LILRB2: variants seen among roughly 807,000 people sequenced by gnomAD.
LILRB2 encodes leukocyte immunoglobulin-like receptor subfamily B member 2.
LILRB2 carries 47 observed loss-of-function variants against 72.7 expected under a neutral mutation model. The ratio of observed to expected loss-of-function variants is 0.65; its 90% CI spans 0.51 to 0.82. The LOEUF is 0.82. Ranked by LOEUF, LILRB2 falls within the 40% of genes least tolerant of loss-of-function variation. The probability of loss-of-function intolerance (pLI) is 0.00; values close to 1 mark genes in which losing one functional copy is unlikely to be tolerated. For synonymous variants in LILRB2, 279 were observed against 313.7 expected (o/e 0.89, Z 1.17); for missense variants, 767 against 764.8 (o/e 1.00, Z -0.03).
chr19:54,279,023 A>C lies in LILRB2; in HGVS notation c.744T>G (p.Asp248Glu), dbSNP rs368268154. The C allele has an allele frequency of 2.0e-5, 33 of 1,614,072 alleles. No homozygotes were observed. The highest frequency in any genetic ancestry group is 2.6e-5 in the Non-Finnish European group (31 of 1,180,008). The stretch of plus-strand genomic sequence containing the variant: ...ACAGAACAAATCTGTCATAGCCGAC[A>C]TCAGAGACACACTGGAGGGTCAGGC... ...GESLTLQCVS[D>E]VGYDRFVLYK... The change falls in exon 6 of 14, where the codon GAT (aspartate) becomes GAG (glutamate). Residue 248 changes from aspartate (D) to glutamate (E), a missense_variant. Physicochemically the swap from Asp to Glu is conservative, Grantham distance 45. This residue lies in a region of LILRB2 where 599 missense variants were observed against 568.2 expected (regional missense o/e 1.05). Transcript: ENST00000314446.
chr19:54,278,224 C>G (rs1422944526), intron 7 of LILRB2, 36 bp downstream of exon 7: 1 of 1,612,032 alleles, frequency 6.2e-7, no homozygotes, highest in South Asian at 1.1e-5. Flanking sequence ...TGAGCTGAGC[C>G]TTTGAGCTCA....
chr19:54,280,578 C>T, intron 1 of LILRB2, 34 bp from the exon 2 acceptor site: 6 of 1,564,126 alleles, frequency 3.8e-6, no homozygotes, highest in East Asian at 2.2e-5. Context: ...GAGAAATAGC[C>T]TCCCCTCCTT....
intron 13 of LILRB2, chr19:54,275,706 AGC>A (rs1197556586): frequency 7.8e-6 from 5 of 638,320 alleles, no homozygotes; most frequent in Admixed American, 2.1e-5. Context: ...AGGCCTGGGG[AGC>A]GCTCTAACAA....
At chr19:54,280,855 T>A in intron 1 of LILRB2, 106 bp downstream of exon 1, 1 of 446,282 alleles carries the variant, frequency 2.2e-6, no homozygotes, top group Non-Finnish European at 3.7e-6. Context: ...GTGTCTGCCC[T>A]TCCTGATGAG....
rs1476091026 is a variant in LILRB2, at chr19:54,274,554, A to C, written c.*129T>G. ...TCAAGTGAGTCCCAAAGTTCCCAGC[A>C]TCTCCTCATGGTCTTTGTTAGGGGT... On this transcript the variant is annotated 3_prime_UTR_variant, in exon 14 of 14. Coordinates refer to ENST00000314446, the MANE Select transcript of LILRB2 (RefSeq NM_001080978.4). 6.6e-7 allele frequency: 1 copy of C among 1,506,318 alleles called. No individual in the cohort carries two copies. The highest frequency in any genetic ancestry group is 8.9e-7 in the Non-Finnish European group (1 of 1,122,680). The allele number at this position is 1,506,318 out of a possible 1,614,324, so 93.3% of individuals were successfully genotyped here. A position where few individuals can be genotyped will look rare whatever the true frequency, so the allele number is the denominator to read the frequency against.
At chr19:54,277,812 A>T (rs1438032704) in intron 8 of LILRB2, 77 bp downstream of exon 8, 26 of 1,356,326 alleles carry the variant, frequency 1.9e-5, no homozygotes, top group Non-Finnish European at 2.6e-5. Flanking sequence ...CCTGAAGGGA[A>T]TGGGATCCTC....
intron 3 of LILRB2, 28 bp from the exon 4 acceptor site, chr19:54,280,103 A>G: frequency 6.2e-7 from 1 of 1,612,388 alleles, no homozygotes; most frequent in Non-Finnish European, 8.5e-7. Context: ...GTCAGATTCG[A>G]AGTCATTTCC....
chr19:54,277,793 G>T, intron 8 of LILRB2, 96 bp downstream of exon 8: 2 of 1,331,226 alleles, frequency 1.5e-6, no homozygotes, highest in African/African-American at 1.5e-5. Flanking sequence ...AGAAGCCCTT[G>T]ATTGAGTCCC....
At position 54,274,483 on chromosome 19, in the gene LILRB2, G is replaced by T; in HGVS notation, c.*200C>A. On this transcript the variant is annotated 3_prime_UTR_variant, in exon 14 of 14. Coordinates refer to ENST00000314446, the MANE Select transcript of LILRB2 (RefSeq NM_001080978.4). ...CTCATTGATTATTGAGAAGTCTGTT[G>T]CTTTAATTAAAAAATGTAGGGATAT... is the stretch of plus-strand genomic sequence containing the variant. 1 of 979,490 alleles carries T rather than the reference G, an allele frequency of 1.0e-6. No individual in the cohort carries two copies. The highest frequency in any genetic ancestry group is 1.5e-6 in the Non-Finnish European group (1 of 682,324). 60.7% of individuals were successfully genotyped at this position (979,490 alleles called of 1,614,324 possible).
Position 54,274,158 on chromosome 19 carries a change from A to G in LILRB2, c.*525T>C, listed in dbSNP as rs1176029986. The G allele has an allele frequency of 6.4e-6, 1 of 157,320 alleles. No individual in the cohort carries two copies. The highest frequency in any genetic ancestry group is 1.4e-5 in the Non-Finnish European group (1 of 71,092). The allele number at this position is 157,320 out of a possible 1,614,324, so 9.7% of individuals were successfully genotyped here. The stretch of plus-strand genomic sequence containing the variant: ...TAGTTAGGATTTATGACTGTAATTA[A>G]TATTTTCAAGAATGAGCTTCATTGG... On this transcript the variant is annotated 3_prime_UTR_variant, in exon 14 of 14. Transcript: ENST00000314446.
intron 9 of LILRB2, chr19:54,277,337 GCCT>G: frequency 1.7e-6 from 2 of 1,204,686 alleles, no homozygotes; most frequent in South Asian, 2.8e-5. Context: ...TCCCTGAGGG[GCCT>G]CCTCTCCCAG....
Position 54,274,430 on chromosome 19 carries a change from T to C in LILRB2, c.*253A>G, listed in dbSNP as rs2080119276. 5.0e-6 allele frequency: 3 copies of C among 600,726 alleles called. No individual in the cohort carries two copies. The highest frequency in any genetic ancestry group is 8.4e-6 in the Non-Finnish European group (3 of 356,928). 37.2% of individuals were successfully genotyped at this position (600,726 alleles called of 1,614,324 possible). A position where few individuals can be genotyped will look rare whatever the true frequency, so the allele number is the denominator to read the frequency against. On this transcript the variant is annotated 3_prime_UTR_variant, in exon 14 of 14. Transcript: ENST00000314446. Reference sequence around the variant, plus strand: ...TGTGATTCAGTTTAAAGCACATTCTTACTTCTGATTTTAGTTTTCTCGGTT... The same window carrying C: ...TGTGATTCAGTTTAAAGCACATTCTCACTTCTGATTTTAGTTTTCTCGGTT...
At position 54,276,855 on chromosome 19, in the gene LILRB2, G is replaced by A; in HGVS notation, c.1432C>T (p.Leu478Phe). 6.4e-7 allele frequency: 1 copy of A among 1,553,680 alleles called. No individual in the cohort carries two copies. The highest frequency in any genetic ancestry group is 1.4e-5 in the African/African-American group (1 of 73,348). ...VVLLLLLLLL[L>F]FLILRHRRQG... Reference sequence around the variant, plus strand: ...CGTCGATGTCGGAGGATGAGGAAGAGGAGGAGGAGGAGGAGGAGCAGTAGG... The same window carrying A: ...CGTCGATGTCGGAGGATGAGGAAGAAGAGGAGGAGGAGGAGGAGCAGTAGG... The change falls in exon 10 of 14, where the codon CTC (leucine) becomes TTC (phenylalanine). Residue 478 changes from leucine to phenylalanine, a missense_variant. Physicochemically the swap from Leu to Phe is conservative, Grantham distance 22. Transcript: ENST00000314446.
At chr19:54,280,908 G>A (rs1047544090) in intron 1 of LILRB2, 53 bp downstream of exon 1, 130 of 1,210,704 alleles carry the variant, frequency 1.1e-4, no homozygotes, top group Admixed American at 7.7e-4. Flanking sequence ...TTCCCACATG[G>A]TCACCCTCCC....
chr19:54,280,443 C>T lies in LILRB2; in HGVS notation c.34+20G>A, dbSNP rs1406571443. ...AGGTCCCTCCTAGGTTAGAAGCTCC[C>T]CTCTCTCTTCAAATCTCACCGAGAC... On this transcript the variant is annotated intron_variant, in intron 2 of 13. Transcript: ENST00000314446. 4 of 1,613,726 alleles carry T rather than the reference C, an allele frequency of 2.5e-6. No homozygotes were observed. The highest frequency in any genetic ancestry group is 2.2e-5 in the South Asian group (2 of 90,984).
At position 54,278,528 on chromosome 19, in the gene LILRB2, C is replaced by A. The variant is rs779681552; in HGVS notation, c.990G>T (p.Gln330His). The change falls in exon 7 of 14, where the codon CAG becomes CAT. Residue 330 changes from glutamine (Q) to histidine (H), a missense_variant. Transcript: ENST00000314446. ...CTCCTGAGGCCACTGTGGGGCCTGG[C>A]TGCACTGAGATGAAGGGTGTGCCAC... is the stretch of plus-strand genomic sequence containing the variant. ...QIRGTPFISVQPGPTVASGEN... is the reference protein window; with the variant it reads ...QIRGTPFISVHPGPTVASGEN... 8.7e-6 allele frequency: 14 copies of A among 1,614,116 alleles called. No homozygotes were observed. Among genetic ancestry groups the A allele is most frequent in the East Asian group, 2.2e-5 (1 of 44,896 alleles).
chr19:54,275,368 C>G (rs1444732011), intron 13 of LILRB2: 20 of 517,080 alleles, frequency 3.9e-5, no homozygotes, highest in Non-Finnish European at 6.6e-5. Flanking sequence ...GGATCGTGTG[C>G]CCCACTCTGT....
chr19:54,280,237 A>G lies in LILRB2; in HGVS notation c.70+27T>C. 1.9e-6 allele frequency: 3 copies of G among 1,613,564 alleles called. No homozygotes were observed. In the East Asian group the frequency reaches 6.7e-5, roughly 36 times the overall value. On this transcript the variant is annotated intron_variant, in intron 3 of 13. Coordinates refer to ENST00000314446, the MANE Select transcript of LILRB2 (RefSeq NM_001080978.4). ...CCCTTGTCCCCAGTGAGGAGGAGGG[A>G]CCTGGGAGAGCTGGGGACAGACTCA... is the stretch of plus-strand genomic sequence containing the variant.
rs2080263154 is a variant in LILRB2 at position 54,276,999 on chromosome 19, G to A, written c.1358-70C>T. On this transcript the variant is annotated intron_variant, in intron 9 of 13. Transcript: ENST00000314446. ...GAGCGCCTACTGTGTGCAGGTGACT[G>A]CTGGACCTTCTGTTCACCACCTCCA... The A allele has an allele frequency of 9.1e-6, 14 of 1,543,392 alleles. No homozygotes were observed. In the South Asian group the frequency reaches 1.3e-4, roughly 15 times the overall value.
Sources: allele counts gnomAD v4.1 joint callset, GRCh38; gene constraint gnomAD v4.1.1; regional missense constraint gnomAD v4.1.1; transcripts MANE v1.5; gene names NCBI Gene and HGNC (gene_info 2026-07-23, HGNC 2026-07-21).